The following CCDC138 variants were observed in gnomAD, a reference collection of about 807,000 sequenced individuals.
CCDC138 encodes coiled-coil domain-containing protein 138.
CCDC138 carries 66 observed loss-of-function variants against 82.3 expected under a neutral mutation model. The observed-to-expected ratio is 0.80, with a 90% CI of 0.66 to 0.98. CCDC138 has a LOEUF of 0.98. Among genes scored for constraint, CCDC138 ranks in the 50% least tolerant of loss-of-function variants. The pLI is 0.00. For missense variants in CCDC138, 816 were observed against 758.9 expected, an observed-to-expected ratio of 1.08 and a Z score of -0.88; for synonymous variants, 297 against 265.4, an observed-to-expected ratio of 1.12 and a Z score of -1.16.
At chr2:108,827,184 A>G (rs1453399869) in intron 10 of CCDC138, among the ~76,000 whole-genome samples, 1 of 152,166 alleles carries the variant, frequency 6.6e-6, no homozygotes. Context: ...AGGCAGACCT[A>G]TTTTCATCAC....
intron 10 of CCDC138, among the ~76,000 whole-genome samples, chr2:108,837,546 A>G (rs1688778554): frequency 6.6e-6 from 1 of 152,190 alleles, no homozygotes; most frequent in Non-Finnish European, 1.5e-5. Context: ...GGAGCTGAAA[A>G]TTTCCTGTCA....
chr2:108,860,497 T>A (rs1276939873), intron 13 of CCDC138, among the ~76,000 whole-genome samples: 1 of 151,796 alleles, frequency 6.6e-6, no homozygotes, highest in Non-Finnish European at 1.5e-5. Context: ...ATTATTTCAA[T>A]GCCTAGGTTG....
downstream of CCDC138, among the ~76,000 whole-genome samples, chr2:108,879,649 C>CTCAT (rs1696234348): frequency 6.6e-6 from 1 of 151,736 alleles, no homozygotes; most frequent in Admixed American, 6.6e-5. Context: ...TTATTTAATC[C>CTCAT]TCATAATAAC....
In CCDC138 at chr2:108,804,912, C is replaced by T. The variant is rs777679620; in HGVS notation, c.759C>T (p.His253=). The change falls in exon 7 of 15, where the codon CAC becomes CAT. Residue 253 remains histidine (H), a synonymous_variant. Coordinates refer to ENST00000295124, the MANE Select transcript of CCDC138 (RefSeq NM_144978.3). ...AGCAGCATGATGCAGAAGTTGAACA[C>T]TTAACCGAAGTTCTTAAGGAAAAGA... The part of the protein sequence containing the change: ...IKEQHDAEVE[H]LTEVLKEKNK... The T allele has an allele frequency of 5.8e-6, 9 of 1,558,008 alleles. No individual in the cohort carries two copies. The African/African-American group carries it at 9.8e-5, about 17-fold the overall frequency.
At chr2:108,812,296 T>C (rs1683997593) in intron 7 of CCDC138, among the ~76,000 whole-genome samples, 1 of 152,156 alleles carries the variant, frequency 6.6e-6, no homozygotes. Flanking sequence ...TTGTACTGCA[T>C]ACTTAGGATT....
rs759767071 is a variant in CCDC138, at chr2:108,856,842, C to T, written c.1565C>T (p.Thr522Ile). 3.7e-6 allele frequency: 6 copies of T among 1,613,208 alleles called. No individual in the cohort carries two copies. The highest frequency in any genetic ancestry group is 1.1e-5 in the South Asian group (1 of 90,966). The change falls in exon 13 of 15, where the codon ACA (threonine) becomes ATA (isoleucine). Residue 522 changes from threonine (T) to isoleucine (I), a missense_variant. Thr to Ile is a moderately conservative substitution (Grantham distance 89, BLOSUM62 -1). Transcript: ENST00000295124. ...AFDSLCLDLK[T>I]EEGKTLFLEY... ...GATTCTCTTTGTTTGGACTTGAAGA[C>T]AGAAGAAGGAAAAACCTTGTTTTTG...
intron 13 of CCDC138, among the ~76,000 whole-genome samples, chr2:108,867,011 T>A (rs1443308383): frequency 6.6e-6 from 1 of 152,200 alleles, no homozygotes; most frequent in African/African-American, 2.4e-5. Context: ...TTATATTGTT[T>A]ATGGTTATTT....
chr2:108,867,443 C>G (rs1041673429), intron 13 of CCDC138, among the ~76,000 whole-genome samples: 2 of 152,174 alleles, frequency 1.3e-5, no homozygotes, highest in Non-Finnish European at 2.9e-5. Flanking sequence ...GGAAAAATGG[C>G]AGACTAGGAA....
chr2:108,853,872 CTATATAATATATTA>C (rs1221853514), intron 12 of CCDC138, among the ~76,000 whole-genome samples: 1 of 113,700 alleles, frequency 8.8e-6, no homozygotes, highest in Non-Finnish European at 1.7e-5. Context: ...AATATATATA[CTATATAATATATTA>C]TATAGTATAT....
At chr2:108,848,203 A>G (rs1176784260) in intron 12 of CCDC138, among the ~76,000 whole-genome samples, 2 of 152,234 alleles carry the variant, frequency 1.3e-5, no homozygotes, top group Non-Finnish European at 2.9e-5. Context: ...CATACATTAT[A>G]TCATTTAATA....
intron 10 of CCDC138, 38 bp downstream of exon 10, chr2:108,816,143 AT>A: frequency 6.7e-7 from 1 of 1,490,144 alleles, no homozygotes; most frequent in Non-Finnish European, 9.2e-7. Flanking sequence ...TTCAGAATAT[AT>A]GAAGATTAAA....
At chr2:108,829,519 G>A (rs1313410790) in intron 10 of CCDC138, among the ~76,000 whole-genome samples, 4 of 152,238 alleles carry the variant, frequency 2.6e-5, no homozygotes, top group African/African-American at 9.6e-5. Context: ...GCCAAGGCAG[G>A]CGGGTCACTT....
chr2:108,811,793 A>G (rs1164969392), intron 7 of CCDC138, among the ~76,000 whole-genome samples: 1 of 151,984 alleles, frequency 6.6e-6, no homozygotes, highest in African/African-American at 2.4e-5. Flanking sequence ...AGTCCCTAGT[A>G]TCTGTTATTT....
intron 10 of CCDC138, among the ~76,000 whole-genome samples, chr2:108,828,273 C>A (rs1244228033): frequency 6.6e-6 from 1 of 151,918 alleles, no homozygotes; most frequent in African/African-American, 2.4e-5. Flanking sequence ...AATGTTTACA[C>A]AAATGGTAAA....
intron 12 of CCDC138, among the ~76,000 whole-genome samples, chr2:108,850,930 G>A (rs543499927): frequency 2.0e-5 from 3 of 151,976 alleles, no homozygotes; most frequent in African/African-American, 7.3e-5. Context: ...CTTCTGACAC[G>A]ATCCACCTGG....
At chr2:108,807,007 C>G (rs1407016914) in intron 7 of CCDC138, among the ~76,000 whole-genome samples, 1 of 152,054 alleles carries the variant, frequency 6.6e-6, no homozygotes, top group African/African-American at 2.4e-5. Context: ...AAGTGCAGTT[C>G]CTGATCAGAT....
At position 108,791,723 on chromosome 2, in the gene CCDC138, A is replaced by C. The variant is rs1357777386; in HGVS notation, c.315A>C (p.Thr105=). The C allele has an allele frequency of 2.5e-6, 4 of 1,606,774 alleles. No homozygotes were observed. Among genetic ancestry groups the C allele is most frequent in the African/African-American group, 1.3e-5 (1 of 74,718 alleles). The part of the protein sequence containing the change: ...DSFHDLKKQE[T]EEELIENDYR... ...TCCATGATTTGAAGAAACAGGAAAC[A>C]GAAGAAGAGTTAATTGAAAATGATT... Residue 105 remains threonine, a synonymous_variant, in exon 4 of 15, where the codon ACA becomes ACC. Coordinates refer to ENST00000295124, the MANE Select transcript of CCDC138 (RefSeq NM_144978.3).
chr2:108,873,419 T>C, intron 13 of CCDC138, 32 bp from the exon 14 acceptor site: 1 of 1,525,114 alleles, frequency 6.6e-7, no homozygotes. Context: ...CGCTACTCCC[T>C]AATAGTAAAG....
intron 10 of CCDC138, among the ~76,000 whole-genome samples, chr2:108,824,692 T>G (rs1400261277): frequency 1.3e-5 from 2 of 152,210 alleles, no homozygotes; most frequent in Non-Finnish European, 2.9e-5. Context: ...TCATTTATTA[T>G]CTTTATCAAG....
Sources: allele counts gnomAD v4.1 joint callset (sites outside exome capture counted in the v4.1 genomes callset), GRCh38; gene constraint gnomAD v4.1.1; transcripts MANE v1.5; gene names NCBI Gene and HGNC (gene_info 2026-07-23, HGNC 2026-07-21).